Variants in CCDC178 observed in about 807,000 individuals in gnomAD.
CCDC178 encodes coiled-coil domain containing 178, also known as coiled-coil domain-containing protein 178.
Under a neutral mutation model 117.4 loss-of-function variants are expected in CCDC178, and 126 were observed. The ratio of observed to expected loss-of-function variants is 1.07; its 90% CI spans 0.93 to 1.24. CCDC178 has a LOEUF of 1.24. Ranked by LOEUF, CCDC178 falls within the 50% of genes most tolerant of loss-of-function variation. The pLI, the probability that CCDC178 is intolerant of heterozygous loss-of-function variation, is 0.00. For synonymous variants in CCDC178, 283 were observed against 313.4 expected (o/e 0.90, Z 1.02); for missense variants, 1,030 against 986.9 (o/e 1.04, Z -0.59).
At chr18:33,391,068 CA>C (rs2063557929) in intron 4 of CCDC178, among the ~76,000 whole-genome samples, 1 of 150,056 alleles carries the variant, frequency 6.7e-6, no homozygotes, top group African/African-American at 2.4e-5. Flanking sequence ...TAGTGCTAAT[CA>C]AATAGCTATT....
chr18:33,286,302 C>T (rs1400322107), intron 12 of CCDC178, among the ~76,000 whole-genome samples: 1 of 151,954 alleles, frequency 6.6e-6, no homozygotes, highest in Non-Finnish European at 1.5e-5. Context: ...TAAATGTTAT[C>T]CTATTTTATC....
intron 12 of CCDC178, among the ~76,000 whole-genome samples, chr18:33,276,640 C>T (rs1466959728): frequency 9.2e-5 from 14 of 151,868 alleles, no homozygotes; most frequent in Admixed American, 7.2e-4. Flanking sequence ...CATGTGTAAG[C>T]TAATAAAGAT....
At chr18:33,266,244 C>A (rs1249974639) in intron 14 of CCDC178, among the ~76,000 whole-genome samples, 1 of 151,906 alleles carries the variant, frequency 6.6e-6, no homozygotes, top group Non-Finnish European at 1.5e-5. Flanking sequence ...TGCTCTCTTG[C>A]CCCAGATGTG....
At chr18:32,944,639 T>C (rs772081316) in intron 22 of CCDC178, among the ~76,000 whole-genome samples, 2 of 152,204 alleles carry the variant, frequency 1.3e-5, no homozygotes, top group Admixed American at 1.3e-4. Context: ...ATAGCTATGT[T>C]GGGAAGTTTC....
At chr18:33,030,536 G>GATAGATAC (rs1353638336) in intron 21 of CCDC178, among the ~76,000 whole-genome samples, 83 of 151,726 alleles carry the variant, frequency 5.5e-4, no homozygotes, top group African/African-American at 1.5e-3. Flanking sequence ...TAGATAGATA[G>GATAGATAC]ATAGATAGAT....
intron 21 of CCDC178, among the ~76,000 whole-genome samples, chr18:33,084,658 A>G (rs2145044666): frequency 6.6e-6 from 1 of 151,978 alleles, no homozygotes; most frequent in Non-Finnish European, 1.5e-5. Context: ...TAAAAATACA[A>G]AAAATTAGCT....
intron 2 of CCDC178, chr18:33,437,546 T>C (rs1449722719): frequency 6.6e-6 from 1 of 152,206 alleles, no homozygotes; most frequent in Admixed American, 6.5e-5. Context: ...TAATTACCTC[T>C]GTTCACACAC....
rs991334416 is a variant in CCDC178 at position 33,189,534 on chromosome 18, C to T, written c.2238+22362G>A. 4.1e-4 allele frequency among the ~76,000 whole-genome samples: 63 copies of T among 152,104 alleles called. 1 individual carries two copies. Among genetic ancestry groups the T allele is most frequent in the Non-Finnish European group, 2.2e-4 (15 of 68,022 alleles). ...GGTTAGCCCTGTATCTTGGTATTTACATTACAGGATAGCATACAAGGAATG... is the reference window on the plus strand; with the variant it reads ...GGTTAGCCCTGTATCTTGGTATTTATATTACAGGATAGCATACAAGGAATG... On this transcript the variant is annotated intron_variant, in intron 20 of 22. Coordinates refer to ENST00000383096, the MANE Select transcript of CCDC178 (RefSeq NM_001105528.4).
intron 21 of CCDC178, among the ~76,000 whole-genome samples, chr18:33,045,918 A>T (rs920588061): frequency 2.0e-5 from 3 of 152,136 alleles, no homozygotes; most frequent in Non-Finnish European, 2.9e-5. Flanking sequence ...AACAAAAAAA[A>T]TTAGCCAGGT....
At chr18:33,270,621 A>C (rs1326591650) in intron 12 of CCDC178, among the ~76,000 whole-genome samples, 1 of 151,606 alleles carries the variant, frequency 6.6e-6, no homozygotes, top group African/African-American at 2.4e-5. Context: ...AGTACCAAGA[A>C]TCCTATATCA....
intron 21 of CCDC178, among the ~76,000 whole-genome samples, chr18:33,087,657 G>T (rs1252470218): frequency 1.3e-5 from 2 of 151,738 alleles, no homozygotes; most frequent in Non-Finnish European, 2.9e-5. Context: ...CACTGATAGG[G>T]TCTTCAAATA....
chr18:33,303,485 T>C (rs1054070982), intron 11 of CCDC178, among the ~76,000 whole-genome samples: 4 of 152,152 alleles, frequency 2.6e-5, no homozygotes, highest in African/African-American at 7.2e-5. Context: ...TTGTAAACTA[T>C]GATCTTTGGG....
At chr18:33,259,143 C>A (rs1024864082) in intron 14 of CCDC178, among the ~76,000 whole-genome samples, 1 of 152,112 alleles carries the variant, frequency 6.6e-6, no homozygotes, top group Non-Finnish European at 1.5e-5. Context: ...AAAAACATCA[C>A]AAGGCCATAT....
At chr18:32,995,308 T>G (rs1168510252) in intron 21 of CCDC178, among the ~76,000 whole-genome samples, 1 of 152,166 alleles carries the variant, frequency 6.6e-6, no homozygotes, top group African/African-American at 2.4e-5. Flanking sequence ...TTATTTAAGT[T>G]TATGGAGTGG....
intron 20 of CCDC178, among the ~76,000 whole-genome samples, chr18:33,094,989 A>AT (rs1182652444): frequency 1.3e-5 from 2 of 152,036 alleles, no homozygotes; most frequent in Non-Finnish European, 1.5e-5. Flanking sequence ...TTTAAGTTTA[A>AT]TTGAGAGTCC....
At chr18:33,252,869 A>C (rs2059633450) in intron 14 of CCDC178, among the ~76,000 whole-genome samples, 1 of 151,862 alleles carries the variant, frequency 6.6e-6, no homozygotes, top group East Asian at 1.9e-4. Flanking sequence ...CACTAGAAAT[A>C]GATATTTAGA....
chr18:33,309,083 T>C (rs2062299249), intron 11 of CCDC178, among the ~76,000 whole-genome samples: 1 of 152,104 alleles, frequency 6.6e-6, no homozygotes, highest in African/African-American at 2.4e-5. Flanking sequence ...CTTGGTTTAA[T>C]AATTATTTTA....
At chr18:33,031,399 C>A (rs1482554476) in intron 21 of CCDC178, among the ~76,000 whole-genome samples, 1 of 151,942 alleles carries the variant, frequency 6.6e-6, no homozygotes, top group African/African-American at 2.4e-5. Flanking sequence ...GGTGCATACC[C>A]TCCACGCAGC....
intron 21 of CCDC178, among the ~76,000 whole-genome samples, chr18:33,069,383 T>C (rs1458453444): frequency 2.0e-5 from 3 of 152,072 alleles, no homozygotes; most frequent in Non-Finnish European, 4.4e-5. Context: ...CACATATTTA[T>C]AGCCAACTGT....
Sources: gnomAD v4.1 joint callset for allele counts (sites outside exome capture counted in the v4.1 genomes callset) on GRCh38, gnomAD v4.1.1 for gene constraint, MANE v1.5 for transcripts, NCBI Gene and HGNC (gene_info 2026-07-23, HGNC 2026-07-21) for gene names.